Variants in ODAD4 observed in about 807,000 individuals in gnomAD.
The protein encoded by ODAD4 is outer dynein arm docking complex subunit 4, also known as outer dynein arm-docking complex subunit 4.
A neutral mutation model predicts 51.8 loss-of-function variants in ODAD4; 49 were observed. That is an observed-to-expected ratio of 0.95 (90% CI 0.75 to 1.20). The LOEUF is 1.20. Among genes scored for constraint, ODAD4 ranks in the 50% most tolerant of loss-of-function variants. ODAD4 has a pLI of 0.00. For synonymous variants in ODAD4, 235 were observed against 221.3 expected (o/e 1.06, Z -0.55); for missense variants, 590 against 586.5 (o/e 1.01, Z -0.06).
intron 4 of ODAD4, 27 bp from the exon 5 acceptor site, chr17:41,936,735 C>T: frequency 6.2e-7 from 1 of 1,612,906 alleles, no homozygotes; most frequent in Non-Finnish European, 8.5e-7. Flanking sequence ...TGCTGAAGCT[C>T]TGTTGGGTGT....
At chr17:41,932,160 C>T (rs1555637007) in intron 1 of ODAD4, among the ~76,000 whole-genome samples, 1 of 152,122 alleles carries the variant, frequency 6.6e-6, no homozygotes, top group African/African-American at 2.4e-5. Context: ...ACCTCCACCT[C>T]CCAGGTTCAA....
intron 7 of ODAD4, 88 bp downstream of exon 7, chr17:41,939,260 C>A: frequency 7.7e-7 from 1 of 1,301,966 alleles, no homozygotes; most frequent in Non-Finnish European, 1.0e-6. Context: ...CTGCTGGTGG[C>A]TTGACTCCCA....
chr17:41,951,899 A>C (rs2050659110), intron 9 of ODAD4, among the ~76,000 whole-genome samples: 1 of 150,406 alleles, frequency 6.6e-6, no homozygotes, highest in African/African-American at 2.4e-5. Context: ...AAAAAAAAAA[A>C]AAAAAAAAAA....
chr17:41,965,797 G>A lies in ODAD4; in HGVS notation c.*314G>A, dbSNP rs2050876272. Reference sequence around the variant, plus strand: ...GAACAAGAAGTCACAGGGAGGAGAGGGGAAGGCCTGGGAGGAGAGGTGCTT... The same window carrying A: ...GAACAAGAAGTCACAGGGAGGAGAGAGGAAGGCCTGGGAGGAGAGGTGCTT... On this transcript the variant is annotated 3_prime_UTR_variant, in exon 12 of 12. Transcript: ENST00000377540. The A allele has an allele frequency of 3.3e-6, 1 of 306,768 alleles. No individual in the cohort carries two copies. Among genetic ancestry groups the A allele is most frequent in the Non-Finnish European group, 6.1e-6 (1 of 163,608 alleles). 19.0% of individuals were successfully genotyped at this position (306,768 alleles called of 1,614,324 possible).
At chr17:41,932,130 C>T (rs1349117934) in intron 1 of ODAD4, among the ~76,000 whole-genome samples, 5 of 151,780 alleles carry the variant, frequency 3.3e-5, no homozygotes, top group Admixed American at 6.6e-5. Flanking sequence ...AGTGCAGTGG[C>T]GCAATCTCGG....
chr17:41,957,524 T>C (rs2050749377), intron 10 of ODAD4, among the ~76,000 whole-genome samples: 2 of 152,318 alleles, frequency 1.3e-5, no homozygotes, highest in South Asian at 4.1e-4. Flanking sequence ...AGGGTCTAAA[T>C]TGACGTTAGG....
intron 9 of ODAD4, among the ~76,000 whole-genome samples, chr17:41,951,749 T>A (rs1317495848): frequency 6.6e-6 from 1 of 150,756 alleles, no homozygotes; most frequent in Non-Finnish European, 1.5e-5. Flanking sequence ...CCAGGTGTGG[T>A]GGCACACGCC....
At chr17:41,941,654 G>A (rs528061616) in intron 7 of ODAD4, among the ~76,000 whole-genome samples, 83 of 152,000 alleles carry the variant, frequency 5.5e-4, no homozygotes, top group African/African-American at 1.9e-3. Context: ...GGTGGTGTGC[G>A]CCTGTAGTCC....
chr17:41,955,637 G>T (rs946399992), intron 10 of ODAD4, among the ~76,000 whole-genome samples: 4 of 152,060 alleles, frequency 2.6e-5, no homozygotes, highest in Admixed American at 6.6e-5. Flanking sequence ...TGTTAGCCAG[G>T]ATGGTCTCGA....
At chr17:41,961,610 C>T in intron 11 of ODAD4, 144 bp downstream of exon 11, 1 of 639,918 alleles carries the variant, frequency 1.6e-6, no homozygotes, top group Non-Finnish European at 2.8e-6. Context: ...GTGCCACCAG[C>T]AGCCCTAGCC....
At position 41,930,825 on chromosome 17, in the gene ODAD4, G is replaced by A; in HGVS notation, c.102G>A (p.Gln34=). Residue 34 remains glutamine, a synonymous_variant, in exon 1 of 12, where the codon CAG becomes CAA. Coordinates refer to ENST00000377540, the MANE Select transcript of ODAD4 (RefSeq NM_031421.5). ...GCGGGGAATTTTCTAAAGCCGCGCAGAGCTTCAGCAACGTGAGTCGAGCTC... is the reference window on the plus strand; with the variant it reads ...GCGGGGAATTTTCTAAAGCCGCGCAAAGCTTCAGCAACGTGAGTCGAGCTC... ...YLCGEFSKAA[Q]SFSNALYLQD... The A allele has an allele frequency of 1.9e-6, 3 of 1,541,532 alleles. No homozygotes were observed. Among genetic ancestry groups the A allele is most frequent in the Non-Finnish European group, 2.6e-6 (3 of 1,136,408 alleles).
At chr17:41,964,627 A>T (rs2144548822) in intron 11 of ODAD4, among the ~76,000 whole-genome samples, 1 of 152,182 alleles carries the variant, frequency 6.6e-6, no homozygotes, top group East Asian at 1.9e-4. Flanking sequence ...CACAGAGATG[A>T]ACAGTTTCTT....
rs1555638353 is a variant in ODAD4 at position 41,939,073 on chromosome 17, G to A, written c.959G>A (p.Gly320Glu). ...EEVPNKDELV[G>E]NLYSCIGNAQ... Reference sequence around the variant, plus strand: ...GTACCCAACAAGGATGAACTGGTTGGAAACTTGTATAGCTGCATAGGGAAT... The same window carrying A: ...GTACCCAACAAGGATGAACTGGTTGAAAACTTGTATAGCTGCATAGGGAAT... Residue 320 changes from glycine (G) to glutamate (E), a missense_variant, in exon 7 of 12, where the codon GGA becomes GAA. Around this residue, in one of 3 missense-constraint regions of ODAD4, gnomAD observed 360 missense variants for 407.5 expected, o/e 0.88. Transcript: ENST00000377540. 1.2e-6 allele frequency: 2 copies of A among 1,613,998 alleles called. No homozygotes were observed.
intron 10 of ODAD4, among the ~76,000 whole-genome samples, chr17:41,957,061 T>C (rs1212533545): frequency 2.0e-5 from 3 of 152,092 alleles, no homozygotes; most frequent in African/African-American, 7.2e-5. Context: ...CATGTCACCA[T>C]GCTGGGGGCT....
chr17:41,950,105 G>A (rs1485989907), intron 9 of ODAD4, among the ~76,000 whole-genome samples: 2 of 151,770 alleles, frequency 1.3e-5, no homozygotes, highest in African/African-American at 4.8e-5. Flanking sequence ...GGGTAGCTGG[G>A]ATTACAGGCG....
At position 41,935,601 on chromosome 17, in the gene ODAD4, G is replaced by T; in HGVS notation, c.249G>T (p.Gly83=). The T allele has an allele frequency of 6.2e-7, 1 of 1,611,520 alleles. No individual in the cohort carries two copies. The highest frequency in any genetic ancestry group is 8.5e-7 in the Non-Finnish European group (1 of 1,178,726). Residue 83 remains glycine, a splice_region_variant and synonymous_variant, in exon 3 of 12, where the codon GGG becomes GGT. Transcript: ENST00000377540. ...SLQSDPAFCK[G]ILQKAETLYT... The stretch of plus-strand genomic sequence containing the variant: ...GATTTGATTTCCTCCCATTCCAGGG[G>T]ATTTTGCAAAAGGCTGAGACACTGT...
At chr17:41,946,354 C>T (rs2050586340) in intron 8 of ODAD4, among the ~76,000 whole-genome samples, 1 of 152,242 alleles carries the variant, frequency 6.6e-6, no homozygotes, top group Admixed American at 6.5e-5. Context: ...GAGACGGAGT[C>T]TCACTCTGTC....
intron 10 of ODAD4, among the ~76,000 whole-genome samples, chr17:41,960,750 G>A (rs932427921): frequency 2.6e-5 from 4 of 152,152 alleles, no homozygotes; most frequent in African/African-American, 9.7e-5. Context: ...GGTGGGGGGT[G>A]GGCAGACCAA....
At chr17:41,945,095 C>T (rs782819824) in intron 7 of ODAD4, 41 bp from the exon 8 acceptor site, 3 of 1,519,954 alleles carry the variant, frequency 2.0e-6, no homozygotes, top group Middle Eastern at 1.7e-4. Context: ...CCTAGAACAG[C>T]TGATTTCTAG....
Sources: allele counts gnomAD v4.1 joint callset (sites outside exome capture counted in the v4.1 genomes callset), GRCh38; gene constraint gnomAD v4.1.1; regional missense constraint gnomAD v4.1.1; transcripts MANE v1.5; gene names NCBI Gene and HGNC (gene_info 2026-07-23, HGNC 2026-07-21).